The following C9orf85 variants were observed in gnomAD, a reference collection of about 807,000 sequenced individuals.
The protein encoded by C9orf85 is chromosome 9 open reading frame 85.
In C9orf85, 16 loss-of-function variants were observed where a neutral mutation model predicts 14.9. That is an observed-to-expected ratio of 1.08 (90% confidence interval 0.73 to 1.63). The LOEUF (loss-of-function observed/expected upper bound fraction) is 1.63, where lower values mean the gene tolerates loss of function less well. C9orf85 is among the 40% of genes most tolerant of loss of function. C9orf85 has a pLI of 0.00. For missense variants in C9orf85, 172 were observed against 186.1 expected (o/e 0.92, Z 0.44); for synonymous variants, 45 against 56.8 (o/e 0.79, Z 0.93).
rs756647095 is a variant in C9orf85 at position 71,911,768 on chromosome 9, A to G, written c.34A>G (p.Arg12Gly). Reference sequence around the variant, plus strand: ...CCAGAAAGGCAACGTGGCTCGTTCCAGACCTCAGAAGCACCAGAATACGTT... The same window carrying G: ...CCAGAAAGGCAACGTGGCTCGTTCCGGACCTCAGAAGCACCAGAATACGTT... ...SSQKGNVARSRPQKHQNTFSF... is the reference protein window; with the variant it reads ...SSQKGNVARSGPQKHQNTFSF... The change falls in exon 1 of 4, where the codon AGA becomes GGA. Residue 12 changes from arginine to glycine, a missense_variant. Arg to Gly is a moderately radical substitution (Grantham distance 125). Coordinates refer to ENST00000334731, the MANE Select transcript of C9orf85 (RefSeq NM_182505.5). The G allele has an allele frequency of 3.7e-6, 6 of 1,614,042 alleles. No homozygotes were observed. Among genetic ancestry groups the G allele is most frequent in the Non-Finnish European group, 5.1e-6 (6 of 1,180,020 alleles).
intron 1 of C9orf85, among the ~76,000 whole-genome samples, chr9:71,937,625 T>C: frequency 6.6e-6 from 1 of 152,202 alleles, no homozygotes; most frequent in South Asian, 2.1e-4. Flanking sequence ...GTATATACTT[T>C]CACTTCTCAG....
chr9:71,919,515 T>C (rs1827739427), intron 1 of C9orf85, among the ~76,000 whole-genome samples: 1 of 152,240 alleles, frequency 6.6e-6, no homozygotes, highest in Non-Finnish European at 1.5e-5. Context: ...CTTTGATATG[T>C]TTCCCAGTGC....
Position 71,948,817 on chromosome 9 carries a change from C to A in C9orf85, c.209+1705C>A, listed in dbSNP as rs1005798225. On this transcript the variant is annotated intron_variant, in intron 2 of 3. Transcript: ENST00000334731. ...GGGATTACAGGCGTGAGCCACGCCC[C>A]CCCCCCCCCCTTTAAATAGTTTTAC... 2.6e-3 allele frequency among the ~76,000 whole-genome samples: 375 copies of A among 144,578 alleles called. 4 individuals carry two copies. The highest frequency in any genetic ancestry group is 8.5e-3 in the African/African-American group (332 of 39,106). 94.8% of individuals were successfully genotyped at this position (144,578 alleles called of 152,430 possible). A position where few individuals can be genotyped will look rare whatever the true frequency, so the allele number is the denominator to read the frequency against.
At chr9:71,944,820 A>C (rs1822041226) in intron 1 of C9orf85, among the ~76,000 whole-genome samples, 1 of 152,160 alleles carries the variant, frequency 6.6e-6, no homozygotes, top group Non-Finnish European at 1.5e-5. Flanking sequence ...TAACACATAA[A>C]AATCAAGTTT....
At chr9:71,964,350 C>T (rs1822623969) in intron 2 of C9orf85, among the ~76,000 whole-genome samples, 1 of 152,196 alleles carries the variant, frequency 6.6e-6, no homozygotes, top group Non-Finnish European at 1.5e-5. Flanking sequence ...GGTCCCCTTC[C>T]ACACTGTGGA....
chr9:71,972,701 A>G lies in C9orf85; in HGVS notation c.333A>G (p.Lys111=), dbSNP rs1320457414. ...TTTCTTTCATCTTTAGGTTGAATAA[A>G]GAAACAGAAAAAATAGAACATACTG... ...KKEDIVIPLN[K]ETEKIEHTEN... is the part of the protein sequence containing the mutation. The change falls in exon 4 of 4, where the codon AAA becomes AAG. Residue 111 remains lysine, a synonymous_variant. Transcript: ENST00000334731. 9 of 1,577,826 alleles carry G rather than the reference A, an allele frequency of 5.7e-6. No homozygotes were observed. The African/African-American group carries it at 6.8e-5, about 12-fold the overall frequency.
intron 2 of C9orf85, among the ~76,000 whole-genome samples, chr9:71,968,245 C>T (rs1485455800): frequency 6.6e-6 from 1 of 151,846 alleles, no homozygotes; most frequent in Non-Finnish European, 1.5e-5. Flanking sequence ...TAGAAATACT[C>T]ATCTGTCATT....
At position 71,948,814 on chromosome 9, in the gene C9orf85, C is replaced by CG. The variant is rs1491525063; in HGVS notation, c.209+1702_209+1703insG. Reference sequence around the variant, plus strand: ...GCTGGGATTACAGGCGTGAGCCACGCCCCCCCCCCCCCCTTTAAATAGTTT... The same window carrying CG: ...GCTGGGATTACAGGCGTGAGCCACGCGCCCCCCCCCCCCCTTTAAATAGTTT... On this transcript the variant is annotated intron_variant, in intron 2 of 3. Coordinates refer to ENST00000334731, the MANE Select transcript of C9orf85 (RefSeq NM_182505.5). Among the ~76,000 whole-genome samples the CG allele has an allele frequency of 4.4e-3, 4 of 914 alleles. 1 individual carries two copies. The East Asian group carries it at 0.075, about 17-fold the overall frequency. The allele number at this position is 914 out of a possible 152,430, so 0.6% of individuals were successfully genotyped here. A position where few individuals can be genotyped will look rare whatever the true frequency, so the allele number is the denominator to read the frequency against.
At chr9:71,922,043 C>A (rs543113029) in intron 1 of C9orf85, among the ~76,000 whole-genome samples, 1 of 151,858 alleles carries the variant, frequency 6.6e-6, no homozygotes, top group African/African-American at 2.4e-5. Context: ...CGTGTTCAAG[C>A]GATTCTCCTA....
At chr9:71,959,148 C>A (rs973109437) in intron 2 of C9orf85, among the ~76,000 whole-genome samples, 2 of 133,132 alleles carry the variant, frequency 1.5e-5, no homozygotes, top group Non-Finnish European at 3.3e-5. Context: ...TTTTTTTTTT[C>A]TTTTTTGGGA....
At chr9:71,985,997 A>G (rs1823205374), downstream of C9orf85, 1 of 152,264 alleles carries the variant, frequency 6.6e-6, no homozygotes, top group Non-Finnish European at 1.5e-5. Context: ...CATAAGTGAC[A>G]GAAAGAATAA....
chr9:71,971,849 C>G (rs901195958), intron 3 of C9orf85, among the ~76,000 whole-genome samples: 8 of 151,992 alleles, frequency 5.3e-5, no homozygotes, highest in Non-Finnish European at 1.2e-4. Context: ...TGGCAGGCGC[C>G]TGTAATCCCA....
chr9:71,964,798 C>A (rs776042638), intron 2 of C9orf85, among the ~76,000 whole-genome samples: 5 of 152,158 alleles, frequency 3.3e-5, no homozygotes, highest in Non-Finnish European at 5.9e-5. Flanking sequence ...GGAATGAAAT[C>A]TTGGGCCATG....
At position 71,972,787 on chromosome 9, in the gene C9orf85, A is replaced by G; in HGVS notation, c.419A>G (p.Asp140Gly). The G allele has an allele frequency of 1.2e-6, 2 of 1,610,900 alleles. No homozygotes were observed. Among genetic ancestry groups the G allele is most frequent in the Non-Finnish European group, 1.7e-6 (2 of 1,178,196 alleles). ...AGAAGAAATGAAGAAAGTGATGATG[A>G]TTTAGATTTTGATATTGATTTAGAA... ...SCRRNEESDD[D>G]LDFDIDLEDT... Residue 140 changes from aspartate (D) to glycine (G), a missense_variant, in exon 4 of 4, where the codon GAT becomes GGT. Transcript: ENST00000334731.
At chr9:71,950,645 T>C (rs1445064555) in intron 2 of C9orf85, among the ~76,000 whole-genome samples, 1 of 152,186 alleles carries the variant, frequency 6.6e-6, no homozygotes, top group Non-Finnish European at 1.5e-5. Flanking sequence ...GCTGGAATTA[T>C]AGGCATGAGT....
intron 2 of C9orf85, among the ~76,000 whole-genome samples, chr9:71,967,912 C>T (rs1219124221): frequency 6.6e-6 from 1 of 151,970 alleles, no homozygotes; most frequent in African/African-American, 2.4e-5. Flanking sequence ...GTGTTTCCTT[C>T]AGTTCATAGT....
At chr9:71,954,114 G>GAA (rs566793068) in intron 2 of C9orf85, among the ~76,000 whole-genome samples, 4,171 of 129,942 alleles carry the variant, frequency 0.032, 228 homozygotes, top group African/African-American at 0.11. Context: ...CCCCAGCTTG[G>GAA]AAAAAAAAAA....
At chr9:71,974,398 C>T (rs1417100491), downstream of C9orf85, among the ~76,000 whole-genome samples, 1 of 151,810 alleles carries the variant, frequency 6.6e-6, no homozygotes, top group Middle Eastern at 3.2e-3. Flanking sequence ...CCTGCACCAC[C>T]ACACCTGGGT....
chr9:71,938,666 A>G (rs1589254760), intron 1 of C9orf85, among the ~76,000 whole-genome samples: 2 of 151,924 alleles, frequency 1.3e-5, no homozygotes, highest in East Asian at 3.8e-4. Flanking sequence ...ATTTTTTACT[A>G]TGAGATTTTG....
Sources: allele counts gnomAD v4.1 joint callset (sites outside exome capture counted in the v4.1 genomes callset), GRCh38; gene constraint gnomAD v4.1.1; transcripts MANE v1.5; gene names NCBI Gene and HGNC (gene_info 2026-07-23, HGNC 2026-07-21).